ST8SIA2: variants seen among roughly 807,000 people sequenced by gnomAD.
ST8SIA2 encodes the protein alpha-2,8-sialyltransferase 8B.
ST8SIA2 carries 22 observed loss-of-function variants against 37.6 expected under a neutral mutation model. That is an observed-to-expected ratio of 0.58 (90% CI 0.42 to 0.83). ST8SIA2 has a LOEUF of 0.83. Among genes scored for constraint, ST8SIA2 ranks in the 40% least tolerant of loss-of-function variants. ST8SIA2 has a pLI of 0.00. For synonymous variants in ST8SIA2, 205 were observed against 201.2 expected, an observed-to-expected ratio of 1.02 and a Z score of -0.16; for missense variants, 382 against 484.7, an observed-to-expected ratio of 0.79 and a Z score of 1.99.
intron 5 of ST8SIA2, among the ~76,000 whole-genome samples, chr15:92,446,728 T>TC (rs1368953757): frequency 1.3e-5 from 2 of 152,196 alleles, no homozygotes; most frequent in Non-Finnish European, 2.9e-5. Context: ...TGGTTTGAGC[T>TC]AAGTCTCAAG....
chr15:92,407,722 C>A (rs905290574), intron 1 of ST8SIA2, among the ~76,000 whole-genome samples: 4 of 152,180 alleles, frequency 2.6e-5, no homozygotes, highest in Non-Finnish European at 5.9e-5. Flanking sequence ...AACCAATCTG[C>A]TCTTCCAGAT....
intron 1 of ST8SIA2, among the ~76,000 whole-genome samples, chr15:92,428,953 A>C (rs1335692842): frequency 6.6e-6 from 1 of 152,254 alleles, no homozygotes; most frequent in Non-Finnish European, 1.5e-5. Flanking sequence ...GTGTGTGCAC[A>C]TACAATGTGA....
intron 5 of ST8SIA2, among the ~76,000 whole-genome samples, chr15:92,460,890 G>C (rs913068775): frequency 1.3e-5 from 2 of 152,310 alleles, no homozygotes; most frequent in Middle Eastern, 3.4e-3. Flanking sequence ...GCCCTGTGTG[G>C]AGCCTGGGTC....
chr15:92,442,108 TGAA>T (rs1466321819), intron 4 of ST8SIA2, among the ~76,000 whole-genome samples: 1 of 152,204 alleles, frequency 6.6e-6, no homozygotes, highest in East Asian at 1.9e-4. Flanking sequence ...CTCAACTAAA[TGAA>T]GCAATTCACA....
chr15:92,396,980 C>T (rs1358731408), intron 1 of ST8SIA2, among the ~76,000 whole-genome samples: 1 of 152,150 alleles, frequency 6.6e-6, no homozygotes, highest in Admixed American at 6.5e-5. Flanking sequence ...CCAGCCCTGC[C>T]CCTCCATCCC....
rs1365971119 is a variant in ST8SIA2, at chr15:92,466,162, G to A, written c.*1777G>A. The A allele has an allele frequency of 6.6e-6, 1 of 152,182 alleles. No homozygotes were observed. Among genetic ancestry groups the A allele is most frequent in the East Asian group, 1.9e-4 (1 of 5,192 alleles). The allele number at this position is 152,182 out of a possible 1,614,324, so 9.4% of individuals were successfully genotyped here. ...TCCAGCCCAAAACCGTGAGGAAGGTGATATATCTCTGCATTTTCCCTTGTT... is the reference window on the plus strand; with the variant it reads ...TCCAGCCCAAAACCGTGAGGAAGGTAATATATCTCTGCATTTTCCCTTGTT... On this transcript the variant is annotated 3_prime_UTR_variant, in exon 6 of 6. Coordinates refer to ENST00000268164, the MANE Select transcript of ST8SIA2 (RefSeq NM_006011.4).
chr15:92,431,951 T>C (rs1332653070), intron 2 of ST8SIA2, among the ~76,000 whole-genome samples: 2 of 152,200 alleles, frequency 1.3e-5, no homozygotes, highest in Admixed American at 1.3e-4. Flanking sequence ...TTTATCTCTC[T>C]CCCTTTCCAG....
At chr15:92,406,467 C>T (rs1430591970) in intron 1 of ST8SIA2, among the ~76,000 whole-genome samples, 1 of 152,218 alleles carries the variant, frequency 6.6e-6, no homozygotes, top group Non-Finnish European at 1.5e-5. Flanking sequence ...TGTAGTGTCT[C>T]AGGCCCTCCT....
chr15:92,403,946 A>T (rs1237682856), intron 1 of ST8SIA2, among the ~76,000 whole-genome samples: 1 of 152,208 alleles, frequency 6.6e-6, no homozygotes, highest in East Asian at 1.9e-4. Context: ...GGCTGGACAC[A>T]AAGGCAGCAA....
rs148537927 is a variant in ST8SIA2 at position 92,448,493 on chromosome 15, C to G, written c.842+3564C>G. Among the ~76,000 whole-genome samples the G allele has an allele frequency of 8.6e-3, 1,316 of 152,310 alleles. 13 individuals are homozygous for G. Among genetic ancestry groups the G allele is most frequent in the African/African-American group, 0.029 (1,210 of 41,574 alleles). On this transcript the variant is annotated intron_variant, in intron 5 of 5. Coordinates refer to ENST00000268164, the MANE Select transcript of ST8SIA2 (RefSeq NM_006011.4). ...GAGGAAGGCTGAGGAGGAATCCGGC[C>G]AAGAGGCACTGTGGCCTAGCATCAA...
intron 1 of ST8SIA2, among the ~76,000 whole-genome samples, chr15:92,428,611 C>T (rs561860172): frequency 1.8e-4 from 27 of 152,226 alleles, no homozygotes; most frequent in African/African-American, 4.3e-4. Flanking sequence ...GGAGCTGACC[C>T]GACATTCCCG....
chr15:92,429,990 A>G, intron 1 of ST8SIA2, 59 bp from the exon 2 acceptor site: 4 of 1,589,158 alleles, frequency 2.5e-6, no homozygotes, highest in Non-Finnish European at 3.5e-6. Context: ...CTGGCAATTG[A>G]AGAGGGCTTT....
chr15:92,417,782 C>T (rs3848153), intron 1 of ST8SIA2: 70,280 of 152,080 alleles, frequency 0.46, 16,659 homozygotes, highest in East Asian at 0.69. Context: ...TAAGCAATGG[C>T]GGATTGCATG....
intron 1 of ST8SIA2, among the ~76,000 whole-genome samples, chr15:92,400,059 A>G (rs2049458931): frequency 6.6e-6 from 1 of 152,188 alleles, no homozygotes; most frequent in Non-Finnish European, 1.5e-5. Context: ...GCCTTTGCAC[A>G]TCCCGCTCCT....
intron 1 of ST8SIA2, among the ~76,000 whole-genome samples, chr15:92,409,716 T>G (rs2049535930): frequency 6.6e-6 from 1 of 152,214 alleles, no homozygotes; most frequent in Admixed American, 6.5e-5. Context: ...TGCTCCTGAT[T>G]AGGTGCAAAA....
chr15:92,397,663 C>T (rs2049441307), intron 1 of ST8SIA2, among the ~76,000 whole-genome samples: 2 of 152,186 alleles, frequency 1.3e-5, no homozygotes, highest in African/African-American at 2.4e-5. Flanking sequence ...CTGATTGTTT[C>T]TTGGCCTTTA....
At chr15:92,435,558 G>A (rs7174021) in intron 3 of ST8SIA2, among the ~76,000 whole-genome samples, 75,198 of 151,646 alleles carry the variant, frequency 0.5, 19,108 homozygotes, top group East Asian at 0.67. Context: ...AGAGCAGGGA[G>A]TTGCCCCCTC....
intron 1 of ST8SIA2, among the ~76,000 whole-genome samples, chr15:92,402,499 A>C (rs1470705356): frequency 6.6e-6 from 1 of 152,154 alleles, no homozygotes; most frequent in African/African-American, 2.4e-5. Context: ...TCTCCAAAAA[A>C]CGATGTCTTA....
chr15:92,393,960 G>T lies in ST8SIA2; in HGVS notation c.-105G>T. The T allele has an allele frequency of 1.5e-6, 1 of 658,014 alleles. No individual in the cohort carries two copies. The allele number at this position is 658,014 out of a possible 1,614,324, so 40.8% of individuals were successfully genotyped here. A position where few individuals can be genotyped will look rare whatever the true frequency, so the allele number is the denominator to read the frequency against. Reference sequence around the variant, plus strand: ...GACTCGTCCGGAGCGCAGGGTGTCTGCCCAGCTGCGCGCGGCGCGCGGAGG... The same window carrying T: ...GACTCGTCCGGAGCGCAGGGTGTCTTCCCAGCTGCGCGCGGCGCGCGGAGG... On this transcript the variant is annotated 5_prime_UTR_variant, in exon 1 of 6. Transcript: ENST00000268164.
Sources: gnomAD v4.1 joint callset for allele counts (sites outside exome capture counted in the v4.1 genomes callset) on GRCh38, gnomAD v4.1.1 for gene constraint, MANE v1.5 for transcripts, NCBI Gene and HGNC (gene_info 2026-07-23, HGNC 2026-07-21) for gene names.